SGCZ: variants seen among roughly 807,000 people sequenced by gnomAD.
The protein encoded by SGCZ is zeta-sarcoglycan.
A neutral mutation model predicts 41.3 loss-of-function variants in SGCZ; 40 were observed. The observed-to-expected ratio is 0.97, with a 90% CI of 0.75 to 1.26. SGCZ has a LOEUF of 1.26. Ranked by LOEUF, SGCZ falls within the 50% of genes most tolerant of loss-of-function variation. SGCZ has a pLI of 0.00. For missense variants in SGCZ, 552 were observed against 369.8 expected (o/e 1.49, Z -4.04); for synonymous variants, 206 against 137.5 (o/e 1.50, Z -3.49).
rs548031310 is a variant in SGCZ at position 14,440,409 on chromosome 8, T to C, written c.234+114323A>G. On this transcript the variant is annotated intron_variant, in intron 2 of 7. Transcript: ENST00000382080. ...AAAAATAAAGTGGTCTTCAACATTATTACATTTTGTCACACTTTTTTCCGC... is the reference window on the plus strand; with the variant it reads ...AAAAATAAAGTGGTCTTCAACATTACTACATTTTGTCACACTTTTTTCCGC... 6.6e-5 allele frequency among the ~76,000 whole-genome samples: 10 copies of C among 152,254 alleles called. No individual in the cohort carries two copies. The East Asian group carries it at 1.7e-3, about 26-fold the overall frequency.
intron 6 of SGCZ, among the ~76,000 whole-genome samples, chr8:14,104,951 A>T (rs183415522): frequency 3.5e-4 from 54 of 152,198 alleles, no homozygotes; most frequent in African/African-American, 1.1e-3. Flanking sequence ...TCCAAAAAAA[A>T]TCTTTAGGAA....
intron 3 of SGCZ, among the ~76,000 whole-genome samples, chr8:14,294,793 T>C (rs185113906): frequency 6.6e-5 from 10 of 152,172 alleles, no homozygotes; most frequent in Non-Finnish European, 1.3e-4. Flanking sequence ...AAAACATAGA[T>C]GTCACATAAA....
At chr8:14,750,881 T>A (rs925592040) in intron 1 of SGCZ, among the ~76,000 whole-genome samples, 2 of 152,192 alleles carry the variant, frequency 1.3e-5, no homozygotes, top group Non-Finnish European at 2.9e-5. Context: ...TATCTTTCAG[T>A]CTCTTTTGTA....
intron 2 of SGCZ, among the ~76,000 whole-genome samples, chr8:14,359,746 G>A (rs1025175310): frequency 6.6e-6 from 1 of 151,050 alleles, no homozygotes; most frequent in Admixed American, 6.6e-5. Flanking sequence ...AAAAACAGAG[G>A]AGGAGGGAAC....
intron 1 of SGCZ, among the ~76,000 whole-genome samples, chr8:14,765,536 G>A (rs1585241592): frequency 6.6e-6 from 1 of 152,178 alleles, no homozygotes; most frequent in Non-Finnish European, 1.5e-5. Context: ...TTTCCTGGCA[G>A]AGTATCCCTC....
chr8:14,153,209 C>A (rs994813722), intron 5 of SGCZ, among the ~76,000 whole-genome samples: 6 of 152,156 alleles, frequency 3.9e-5, no homozygotes, highest in Non-Finnish European at 7.3e-5. Flanking sequence ...TTTGTTACAA[C>A]TGTATGTACA....
intron 1 of SGCZ, among the ~76,000 whole-genome samples, chr8:14,694,830 C>T (rs1206013976): frequency 6.6e-6 from 1 of 152,024 alleles, no homozygotes; most frequent in Non-Finnish European, 1.5e-5. Flanking sequence ...AATTTATTTG[C>T]TCAGAAATAT....
intron 1 of SGCZ, among the ~76,000 whole-genome samples, chr8:15,114,679 T>C (rs929089734): frequency 1.3e-5 from 2 of 152,062 alleles, no homozygotes; most frequent in African/African-American, 4.8e-5. Context: ...AATATTCAGA[T>C]CTGAGCTAAA....
chr8:15,155,571 T>C (rs1332077984), intron 1 of SGCZ, among the ~76,000 whole-genome samples: 1 of 152,130 alleles, frequency 6.6e-6, no homozygotes, highest in African/African-American at 2.4e-5. Context: ...ACTGGAAACG[T>C]CATAACTGAG....
intron 1 of SGCZ, among the ~76,000 whole-genome samples, chr8:14,852,773 C>A (rs1803380892): frequency 6.6e-6 from 1 of 152,182 alleles, no homozygotes; most frequent in African/African-American, 2.4e-5. Context: ...AAAAAATTTT[C>A]TTTGGCTCAC....
chr8:14,686,430 A>G (rs1808614268), intron 1 of SGCZ, among the ~76,000 whole-genome samples: 1 of 152,122 alleles, frequency 6.6e-6, no homozygotes, highest in Non-Finnish European at 1.5e-5. Flanking sequence ...GATTGTTTCA[A>G]TAATTCAACT....
intron 1 of SGCZ, among the ~76,000 whole-genome samples, chr8:14,657,727 T>C (rs1256580003): frequency 6.6e-6 from 1 of 152,190 alleles, no homozygotes; most frequent in African/African-American, 2.4e-5. Context: ...TTCCTGAATA[T>C]CACAATCCAT....
intron 3 of SGCZ, among the ~76,000 whole-genome samples, chr8:14,292,721 C>G (rs972758323): frequency 6.6e-6 from 1 of 151,942 alleles, no homozygotes; most frequent in Non-Finnish European, 1.5e-5. Flanking sequence ...TAGACAGGTT[C>G]TTTTATAATT....
At chr8:15,131,415 G>A (rs778245889) in intron 1 of SGCZ, among the ~76,000 whole-genome samples, 2 of 152,192 alleles carry the variant, frequency 1.3e-5, no homozygotes, top group Non-Finnish European at 2.9e-5. Flanking sequence ...TGCCAGCCAC[G>A]TGGAACTGTG....
rs140195160 is a variant in SGCZ at position 14,134,701 on chromosome 8, A to G, written c.548-26466T>C. Among the ~76,000 whole-genome samples the G allele has an allele frequency of 6.4e-3, 980 of 152,258 alleles. 7 individuals are homozygous for G. Among genetic ancestry groups the G allele is most frequent in the African/African-American group, 0.022 (933 of 41,552 alleles). The stretch of plus-strand genomic sequence containing the variant: ...ATACCATGAGCAGGTGTTAGCTCTC[A>G]GCCTATCTGTATAGGCTGCCGCAAA... On this transcript the variant is annotated intron_variant, in intron 5 of 7. Transcript: ENST00000382080.
chr8:14,769,104 G>A (rs913794883), intron 1 of SGCZ, among the ~76,000 whole-genome samples: 3 of 151,784 alleles, frequency 2.0e-5, no homozygotes, highest in African/African-American at 2.4e-5. Flanking sequence ...AAATAAATCC[G>A]CCGAATAAAA....
intron 1 of SGCZ, among the ~76,000 whole-genome samples, chr8:14,701,332 T>C (rs567497941): frequency 7.8e-4 from 119 of 152,118 alleles, no homozygotes; most frequent in Non-Finnish European, 5.7e-4. Flanking sequence ...CATACTTTTA[T>C]TGACAGAAGT....
At chr8:14,239,331 G>A (rs962211211) in intron 3 of SGCZ, among the ~76,000 whole-genome samples, 4 of 151,530 alleles carry the variant, frequency 2.6e-5, no homozygotes, top group African/African-American at 9.7e-5. Context: ...ATGTTAAAAA[G>A]GAGCTTTGAA....
chr8:15,024,275 A>T (rs1300311864), intron 1 of SGCZ, among the ~76,000 whole-genome samples: 3 of 152,196 alleles, frequency 2.0e-5, no homozygotes, highest in African/African-American at 7.2e-5. Flanking sequence ...TAACAAATTT[A>T]TATAAAATCG....
Sources: gnomAD v4.1 joint callset for allele counts (sites outside exome capture counted in the v4.1 genomes callset) on GRCh38, gnomAD v4.1.1 for gene constraint, MANE v1.5 for transcripts, NCBI Gene and HGNC (gene_info 2026-07-23, HGNC 2026-07-21) for gene names.